The following THRA variants were observed in gnomAD, a reference collection of about 807,000 sequenced individuals.
THRA encodes EAR-7.
Under a neutral mutation model 45.0 loss-of-function variants are expected in THRA, and 13 were observed. The ratio of observed to expected loss-of-function variants is 0.29; its 90% CI spans 0.19 to 0.46. The LOEUF is 0.46. Ranked by LOEUF, THRA falls within the 20% of genes least tolerant of loss-of-function variation. THRA has a pLI of 1.00. For missense variants in THRA, 278 were observed against 556.1 expected (o/e 0.50, Z 5.03); for synonymous variants, 195 against 214.0 (o/e 0.91, Z 0.78).
In THRA at chr17:40,077,677, G is replaced by T. The variant is rs535586391; in HGVS notation, c.222+69G>T. The T allele has an allele frequency of 1.5e-5, 19 of 1,259,272 alleles. No individual in the cohort carries two copies. In the Admixed American group the frequency reaches 3.3e-4, roughly 22 times the overall value. The allele number at this position is 1,259,272 out of a possible 1,614,324, so 78.0% of individuals were successfully genotyped here. On this transcript the variant is annotated intron_variant, in intron 4 of 8. Transcript: ENST00000450525. The stretch of plus-strand genomic sequence containing the variant: ...CATATTACTCCCTATGTCACCTAAA[G>T]CCCGCCTGTTAGGTCATCACTTTTT...
chr17:40,074,275 C>T lies in THRA; in HGVS notation c.-214C>T, dbSNP rs1356068421. 3.4e-6 allele frequency: 2 copies of T among 583,382 alleles called. No homozygotes were observed. The highest frequency in any genetic ancestry group is 3.1e-6 in the Non-Finnish European group (1 of 326,102). The allele number at this position is 583,382 out of a possible 1,614,324, so 36.1% of individuals were successfully genotyped here. On this transcript the variant is annotated 5_prime_UTR_variant, in exon 2 of 9. Coordinates refer to ENST00000450525, the MANE Select transcript of THRA (RefSeq NM_199334.5). Reference sequence around the variant, plus strand: ...ACAAACCCAGCTTGCCCCCAGCCCTCCCACCTGCCACTCCCTGGCCCCTCC... The same window carrying T: ...ACAAACCCAGCTTGCCCCCAGCCCTTCCACCTGCCACTCCCTGGCCCCTCC...
At chr17:40,064,944 G>A (rs1425733802) in intron 1 of THRA, among the ~76,000 whole-genome samples, 1 of 152,182 alleles carries the variant, frequency 6.6e-6, no homozygotes, top group Non-Finnish European at 1.5e-5. Flanking sequence ...TGCAGCCTGT[G>A]CAGCCGAGCA....
intron 4 of THRA, among the ~76,000 whole-genome samples, chr17:40,082,758 CTTTTTTTTT>C (rs920725279): frequency 1.5e-5 from 1 of 67,516 alleles, no homozygotes; most frequent in Non-Finnish European, 2.9e-5. Flanking sequence ...GAATCGCATG[CTTTTTTTTT>C]TTTTTTTTTT....
chr17:40,078,490 TAATAA>T (rs961565996), intron 4 of THRA, among the ~76,000 whole-genome samples: 4 of 152,022 alleles, frequency 2.6e-5, no homozygotes, highest in African/African-American at 7.2e-5. Flanking sequence ...CAAAGTAAAA[TAATAA>T]AATAAAATAA....
At chr17:40,093,679 G>A (rs1383258324), downstream of THRA, 4 of 633,468 alleles carry the variant, frequency 6.3e-6, no homozygotes, top group South Asian at 4.0e-5. The surrounding 1 kb of genome is among the most constrained non-coding windows in gnomAD (Gnocchi z 5.9). Context: ...AGCTCCCCCA[G>A]GCAGAAATAG....
Position 40,076,930 on chromosome 17 carries a change from G to A in THRA, c.113G>A (p.Ser38Asn). ...RKNGQCSLKT[S>N]MSGYIPSYLD... Reference sequence around the variant, plus strand: ...AACGGCCAATGTTCCCTGAAAACCAGCATGTCAGGTGAGGCTGGCTGTGCG... The same window carrying A: ...AACGGCCAATGTTCCCTGAAAACCAACATGTCAGGTGAGGCTGGCTGTGCG... Residue 38 changes from serine to asparagine, a missense_variant, in exon 3 of 9, where the codon AGC becomes AAC. Physicochemically the swap from Ser to Asn is conservative, Grantham distance 46. Around this residue, in one of 6 missense-constraint regions of THRA, gnomAD observed 20 missense variants for 65.2 expected, o/e 0.31. Coordinates refer to ENST00000450525, the MANE Select transcript of THRA (RefSeq NM_199334.5). The A allele has an allele frequency of 1.2e-6, 2 of 1,614,060 alleles. No individual in the cohort carries two copies. The highest frequency in any genetic ancestry group is 1.7e-6 in the Non-Finnish European group (2 of 1,179,966).
intron 3 of THRA, among the ~76,000 whole-genome samples, 191 bp downstream of exon 3, chr17:40,077,129 A>T (rs557078992): frequency 6.6e-6 from 1 of 152,236 alleles, no homozygotes; most frequent in East Asian, 1.9e-4. Context: ...AGGGTGGATT[A>T]GGTCAGGACG....
At chr17:40,073,437 C>T (rs938092749) in intron 1 of THRA, among the ~76,000 whole-genome samples, 1 of 152,188 alleles carries the variant, frequency 6.6e-6, no homozygotes, top group African/African-American at 2.4e-5. Flanking sequence ...TCAGTTTCCT[C>T]ATCTGTGAAG....
Position 40,074,522 on chromosome 17 carries a change from T to C in THRA, c.34T>C (p.Ser12Pro). ...EQKPSKVECG[S>P]DPEENSARSP... ...GAAGCCAAGCAAGGTGGAGTGTGGG[T>C]CAGACCCAGAGGAGAACAGGTAATG... The change falls in exon 2 of 9, where the codon TCA (serine) becomes CCA (proline). Residue 12 changes from serine (S) to proline (P), a missense_variant. Around this residue, in one of 6 missense-constraint regions of THRA, gnomAD observed 34 missense variants for 39.7 expected, o/e 0.86. Coordinates refer to ENST00000450525, the MANE Select transcript of THRA (RefSeq NM_199334.5). 1.9e-6 allele frequency: 3 copies of C among 1,614,026 alleles called. No homozygotes were observed. The highest frequency in any genetic ancestry group is 2.5e-6 in the Non-Finnish European group (3 of 1,179,920).
Position 40,092,801 on chromosome 17 carries a change from G to C in THRA, c.*3345G>C, listed in dbSNP as rs1289023859. Reference sequence around the variant, plus strand: ...ACACCACAGAAGCCAGCTCAGCTGTGAACTATTGGATTTGAGACAGGAACA... The same window carrying C: ...ACACCACAGAAGCCAGCTCAGCTGTCAACTATTGGATTTGAGACAGGAACA... On this transcript the variant is annotated 3_prime_UTR_variant, in exon 9 of 9. Coordinates refer to ENST00000450525, the MANE Select transcript of THRA (RefSeq NM_199334.5). 2.1e-5 allele frequency: 14 copies of C among 679,902 alleles called. No individual in the cohort carries two copies. Among genetic ancestry groups the C allele is most frequent in the Non-Finnish European group, 7.0e-6 (3 of 427,320 alleles). The allele number at this position is 679,902 out of a possible 1,614,324, so 42.1% of individuals were successfully genotyped here.
chr17:40,083,757 C>A, intron 4 of THRA, 78 bp from the exon 5 acceptor site: 1 of 1,500,760 alleles, frequency 6.7e-7, no homozygotes, highest in South Asian at 1.3e-5. Flanking sequence ...CACCCCTGAC[C>A]CCTAGTAAAC....
intron 7 of THRA, among the ~76,000 whole-genome samples, chr17:40,087,414 G>GCA (rs112827341): frequency 0.1 from 12,461 of 119,224 alleles, 821 homozygotes; most frequent in African/African-American, 0.23. Flanking sequence ...CAGCACACAG[G>GCA]CACACACACA....
intron 2 of THRA, among the ~76,000 whole-genome samples, chr17:40,075,855 C>G (rs1050985442): frequency 5.3e-5 from 8 of 152,192 alleles, no homozygotes; most frequent in African/African-American, 9.6e-5. Flanking sequence ...AGGAAGTAGA[C>G]CGGAGTAATC....
At chr17:40,071,814 T>C (rs1986787103) in intron 1 of THRA, among the ~76,000 whole-genome samples, 1 of 152,152 alleles carries the variant, frequency 6.6e-6, no homozygotes, top group African/African-American at 2.4e-5. Flanking sequence ...TGCTGGGCCC[T>C]CTGCCTCGCC....
Position 40,089,792 on chromosome 17 carries a change from G to A in THRA, c.*336G>A. ...AGCCACCTTGACCGTAGGGGAAGGA[G>A]GAATGTGGGCTGGGGGAAGATGCCC... On this transcript the variant is annotated 3_prime_UTR_variant, in exon 9 of 9. Transcript: ENST00000450525. This position sits in a 1 kb window ranked among gnomAD's most constrained non-coding sequence, Gnocchi z 6.1. The A allele has an allele frequency of 1.7e-6, 2 of 1,158,736 alleles. No individual in the cohort carries two copies. Among genetic ancestry groups the A allele is most frequent in the Non-Finnish European group, 1.1e-6 (1 of 932,666 alleles). 71.8% of individuals were successfully genotyped at this position (1,158,736 alleles called of 1,614,324 possible).
At chr17:40,066,983 G>A (rs971614933) in intron 1 of THRA, among the ~76,000 whole-genome samples, 3 of 152,252 alleles carry the variant, frequency 2.0e-5, no homozygotes, top group African/African-American at 7.2e-5. Flanking sequence ...GATGGGTGAA[G>A]GAAGCTGTGG....
rs1987464407 is a variant in THRA at position 40,089,698 on chromosome 17, T to TGTCCTGCA, written c.*245_*252dup. 16 of 1,370,806 alleles carry TGTCCTGCA rather than the reference T, an allele frequency of 1.2e-5. No homozygotes were observed. Among genetic ancestry groups the TGTCCTGCA allele is most frequent in the Non-Finnish European group, 1.5e-5 (16 of 1,058,880 alleles). 84.9% of individuals were successfully genotyped at this position (1,370,806 alleles called of 1,614,324 possible). On this transcript the variant is annotated 3_prime_UTR_variant, in exon 9 of 9. Transcript: ENST00000450525. This position sits in a 1 kb window ranked among gnomAD's most constrained non-coding sequence, Gnocchi z 6.1. ...ACAGTGTGGGAGGCTGGGGGAGCTG[T>TGTCCTGCA]GTCCTGCAGTTCCCAGGACCCCATC...
intron 7 of THRA, among the ~76,000 whole-genome samples, chr17:40,087,713 A>T (rs766567528): frequency 6.6e-6 from 1 of 152,170 alleles, no homozygotes; most frequent in Non-Finnish European, 1.5e-5. Context: ...CAGTGTTCCC[A>T]TCTGGAGTGG....
In THRA at chr17:40,088,370, G is replaced by A. The variant is rs1188421785; in HGVS notation, c.852G>A (p.Arg284=). 2.8e-5 allele frequency: 46 copies of A among 1,614,044 alleles called. No individual in the cohort carries two copies. The highest frequency in any genetic ancestry group is 3.7e-5 in the Non-Finnish European group (44 of 1,180,016). ...LTLSGEMAVK[R]EQLKNGGLGV... ...TGAGTGGGGAGATGGCTGTCAAGCG[G>A]GAGCAGCTCAAGAATGGCGGCCTGG... The change falls in exon 8 of 9, where the codon CGG becomes CGA. Residue 284 remains arginine, a synonymous_variant. Coordinates refer to ENST00000450525, the MANE Select transcript of THRA (RefSeq NM_199334.5).
Sources: gnomAD v4.1 joint callset for allele counts (sites outside exome capture counted in the v4.1 genomes callset) on GRCh38, gnomAD v4.1.1 for gene constraint, gnomAD v4.1.1 regional missense constraint, Gnocchi (gnomAD v3.1) non-coding constraint, MANE v1.5 for transcripts, NCBI Gene and HGNC (gene_info 2026-07-23, HGNC 2026-07-21) for gene names.